The following NTN1 variants were observed in gnomAD, a reference collection of about 807,000 sequenced individuals.
NTN1 encodes the protein netrin-1.
NTN1 carries 11 observed loss-of-function variants against 54.2 expected under a neutral mutation model. The ratio of observed to expected loss-of-function variants is 0.20; its 90% CI spans 0.13 to 0.34. The LOEUF (loss-of-function observed/expected upper bound fraction) is 0.34, where lower values mean the gene tolerates loss of function less well. Among genes scored for constraint, NTN1 ranks in the 10% least tolerant of loss-of-function variants. NTN1 has a pLI of 1.00. For missense variants in NTN1, 740 were observed against 893.1 expected (o/e 0.83, Z 2.18); for synonymous variants, 371 against 382.0 (o/e 0.97, Z 0.33).
At chr17:9,113,718 G>A (rs1052172287) in intron 2 of NTN1, among the ~76,000 whole-genome samples, 2 of 152,048 alleles carry the variant, frequency 1.3e-5, no homozygotes, top group African/African-American at 4.8e-5. Context: ...ATAGGAAAAA[G>A]CCAACTGCAG....
chr17:9,203,344 C>T (rs1328422756), intron 5 of NTN1, among the ~76,000 whole-genome samples: 2 of 152,196 alleles, frequency 1.3e-5, no homozygotes, highest in Non-Finnish European at 2.9e-5. Flanking sequence ...CTAGTTCTCA[C>T]CTGTATTCCA....
intron 6 of NTN1, among the ~76,000 whole-genome samples, chr17:9,237,755 A>G (rs1324845840): frequency 6.6e-6 from 1 of 152,136 alleles, no homozygotes; most frequent in Non-Finnish European, 1.5e-5. Context: ...TGGCTCCCCC[A>G]TTGCTTAGCT....
chr17:9,119,162 CT>C (rs1567714961), intron 2 of NTN1, among the ~76,000 whole-genome samples: 1 of 152,172 alleles, frequency 6.6e-6, no homozygotes, highest in South Asian at 2.1e-4. Flanking sequence ...TATTATTTGT[CT>C]TTTTAAAAAT....
At chr17:9,166,069 C>A (rs2092372038) in intron 3 of NTN1, among the ~76,000 whole-genome samples, 1 of 151,940 alleles carries the variant, frequency 6.6e-6, no homozygotes. Flanking sequence ...TTGGTAGGAA[C>A]CATCGTTAGG....
intron 3 of NTN1, among the ~76,000 whole-genome samples, chr17:9,178,059 T>G (rs1206835873): frequency 6.6e-6 from 1 of 152,110 alleles, no homozygotes; most frequent in Non-Finnish European, 1.5e-5. Flanking sequence ...TAGCTGGGTG[T>G]GATGGTGGGC....
intron 2 of NTN1, among the ~76,000 whole-genome samples, chr17:9,155,431 T>C (rs944248536): frequency 1.3e-5 from 2 of 150,426 alleles, no homozygotes; most frequent in Non-Finnish European, 3.0e-5. Context: ...AACCTTTGCC[T>C]CCCGGGTTCA....
At chr17:9,094,529 AT>A (rs1394992622) in intron 2 of NTN1, among the ~76,000 whole-genome samples, 3 of 152,210 alleles carry the variant, frequency 2.0e-5, no homozygotes, top group Non-Finnish European at 4.4e-5. Flanking sequence ...ATATATACAC[AT>A]TTTAAAATCC....
At chr17:9,074,340 C>G (rs1327352181) in intron 2 of NTN1, among the ~76,000 whole-genome samples, 1 of 152,204 alleles carries the variant, frequency 6.6e-6, no homozygotes, top group Non-Finnish European at 1.5e-5. Flanking sequence ...CTGAGCGTCT[C>G]TCTGCGCGTG....
rs562104076 is a variant in NTN1 at position 9,038,088 on chromosome 17, A to G, written c.1018+14697A>G. The stretch of plus-strand genomic sequence containing the variant: ...TGAGTCTGGGCTTGAGATAGGCCCA[A>G]ATATGCAAATAAATGACTCCCTAGG... On this transcript the variant is annotated intron_variant, in intron 2 of 6. Transcript: ENST00000173229. 2.6e-5 allele frequency among the ~76,000 whole-genome samples: 4 copies of G among 152,298 alleles called. No homozygotes were observed. In the South Asian group the frequency reaches 8.3e-4, roughly 32 times the overall value.
chr17:9,084,577 G>A (rs1043183741), intron 2 of NTN1, among the ~76,000 whole-genome samples: 1 of 151,864 alleles, frequency 6.6e-6, no homozygotes, highest in Non-Finnish European at 1.5e-5. Flanking sequence ...GAGCATTGGT[G>A]GAAGGAGACC....
At chr17:9,073,985 C>T (rs768319629) in intron 2 of NTN1, among the ~76,000 whole-genome samples, 8 of 152,150 alleles carry the variant, frequency 5.3e-5, no homozygotes, top group Non-Finnish European at 8.8e-5. Flanking sequence ...GGAAGATGCT[C>T]GATTCTTGTT....
chr17:9,208,957 C>A (rs1905033216), intron 5 of NTN1, among the ~76,000 whole-genome samples: 1 of 152,228 alleles, frequency 6.6e-6, no homozygotes, highest in Non-Finnish European at 1.5e-5. Context: ...CCTCAAGAGG[C>A]CCCAGGATCT....
At chr17:9,137,994 C>T (rs76823964) in intron 2 of NTN1, among the ~76,000 whole-genome samples, 5,368 of 151,356 alleles carry the variant, frequency 0.035, 95 homozygotes, top group South Asian at 0.065. Flanking sequence ...TCCTGAAGTG[C>T]AGTGGGCAAC....
intron 5 of NTN1, among the ~76,000 whole-genome samples, chr17:9,204,290 T>TC (rs1555576159): frequency 0.17 from 24,846 of 143,426 alleles, 2,639 homozygotes; most frequent in Non-Finnish European, 0.26. Flanking sequence ...CTCTATCTCT[T>TC]TCTCTCTCTC....
chr17:9,025,325 A>G (rs1422107860), intron 2 of NTN1, among the ~76,000 whole-genome samples: 3 of 152,212 alleles, frequency 2.0e-5, no homozygotes, highest in Non-Finnish European at 4.4e-5. Context: ...CTCTTGACCA[A>G]AGCACTAACT....
At position 9,036,383 on chromosome 17, in the gene NTN1, CTTTTTTTTTTT is replaced by C. The variant is rs869283987; in HGVS notation, c.1018+13009_1018+13019del. The stretch of plus-strand genomic sequence containing the variant: ...ACCACTGGGCCAAGTCGTCTCTTAT[CTTTTTTTTTTT>C]TTTTTTTTTTTTTTTTGTAGAGACA... On this transcript the variant is annotated intron_variant, in intron 2 of 6. Coordinates refer to ENST00000173229, the MANE Select transcript of NTN1 (RefSeq NM_004822.3). 4.5e-3 allele frequency among the ~76,000 whole-genome samples: 486 copies of C among 107,226 alleles called. 4 individuals carry two copies. The highest frequency in any genetic ancestry group is 0.015 in the African/African-American group (409 of 27,016). 70.3% of individuals were successfully genotyped at this position (107,226 alleles called of 152,430 possible).
chr17:9,170,785 G>A (rs2092385206), intron 3 of NTN1, among the ~76,000 whole-genome samples: 1 of 152,012 alleles, frequency 6.6e-6, no homozygotes, highest in Non-Finnish European at 1.5e-5. Flanking sequence ...CCTCACCTGT[G>A]GCACAGACAC....
intron 2 of NTN1, among the ~76,000 whole-genome samples, chr17:9,101,000 C>A (rs1360657080): frequency 2.6e-5 from 4 of 152,194 alleles, no homozygotes; most frequent in Non-Finnish European, 5.9e-5. Context: ...CAGAGTATCT[C>A]AAACTCCTCT....
chr17:9,140,630 A>G (rs147835719), intron 2 of NTN1, among the ~76,000 whole-genome samples: 30 of 152,316 alleles, frequency 2.0e-4, no homozygotes, highest in African/African-American at 6.7e-4. Context: ...GAAAAGTCCA[A>G]CAGGAGTTGG....
Sources: allele counts gnomAD v4.1 joint callset (sites outside exome capture counted in the v4.1 genomes callset), GRCh38; gene constraint gnomAD v4.1.1; transcripts MANE v1.5; gene names NCBI Gene and HGNC (gene_info 2026-07-23, HGNC 2026-07-21).